SPEN: variants seen among roughly 807,000 people sequenced by gnomAD.
The protein encoded by SPEN is msx2-interacting protein.
SPEN carries 18 observed loss-of-function variants against 269.9 expected under a neutral mutation model. That is an observed-to-expected ratio of 0.07 (90% CI 0.05 to 0.10). SPEN has a LOEUF of 0.10. SPEN is among the 10% of genes least tolerant of loss of function. The pLI is 1.00. For missense variants in SPEN, 3,822 were observed against 4,631.2 expected, an observed-to-expected ratio of 0.83 and a Z score of 5.07; for synonymous variants, 1,726 against 1,765.7, an observed-to-expected ratio of 0.98 and a Z score of 0.56.
At chr1:15,867,922 C>A (rs918611500) in intron 1 of SPEN, among the ~76,000 whole-genome samples, 18 of 152,106 alleles carry the variant, frequency 1.2e-4, no homozygotes, top group Non-Finnish European at 7.4e-5. Flanking sequence ...CAACTTCCGC[C>A]TCCTGGGATC....
intron 13 of SPEN, 124 bp downstream of exon 13, chr1:15,938,130 AAC>A: frequency 5.5e-6 from 5 of 916,372 alleles, no homozygotes; most frequent in East Asian, 2.7e-5. Context: ...TTGTTGTTGA[AAC>A]AGTCTCTGTC....
In SPEN at chr1:15,932,108, A is replaced by G. The variant is rs755703288; in HGVS notation, c.5868A>G (p.Thr1956=). 1 of 1,613,624 alleles carries G rather than the reference A, an allele frequency of 6.2e-7. No individual in the cohort carries two copies. Among genetic ancestry groups the G allele is most frequent in the Non-Finnish European group, 8.5e-7 (1 of 1,179,958 alleles). ...CTCGGAGGGGAAGGCCTCCAAAGAC[A>G]CGCCGGCGAGCCGATGAAGAGGAGG... ...TTPRRGRPPK[T]RRRADEEEEN... The change falls in exon 11 of 15, where the codon ACA becomes ACG. Residue 1956 remains threonine (T), a synonymous_variant. Transcript: ENST00000375759. This position sits in a 1 kb window ranked among gnomAD's most constrained non-coding sequence, Gnocchi z 4.2.
chr1:15,850,833 A>G (rs536572142), intron 1 of SPEN, among the ~76,000 whole-genome samples: 1 of 152,356 alleles, frequency 6.6e-6, no homozygotes, highest in Non-Finnish European at 1.5e-5. Context: ...TGTACAAATC[A>G]GAATGAGAAA....
chr1:15,937,838 G>C lies in SPEN; in HGVS notation c.10536G>C (p.Leu3512=), dbSNP rs765082812. 1.2e-6 allele frequency: 2 copies of C among 1,613,910 alleles called. No homozygotes were observed. Among genetic ancestry groups the C allele is most frequent in the East Asian group, 2.2e-5 (1 of 44,866 alleles). ...LKKYPIVWQG[L]LALKNDTAAV... is the part of the protein sequence containing the mutation. ...AGTACCCCATCGTGTGGCAGGGCCT[G>C]CTGGCCCTCAAGAATGACACAGCTG... Residue 3512 remains leucine (L), a synonymous_variant, in exon 13 of 15, where the codon CTG becomes CTC. Coordinates refer to ENST00000375759, the MANE Select transcript of SPEN (RefSeq NM_015001.3). The surrounding 1 kb of genome is among the most constrained non-coding windows in gnomAD (Gnocchi z 5.7).
At position 15,929,006 on chromosome 1, in the gene SPEN, G is replaced by A. The variant is rs757407221; in HGVS notation, c.2766G>A (p.Thr922=). 8.1e-5 allele frequency: 130 copies of A among 1,614,030 alleles called. No individual in the cohort carries two copies. The highest frequency in any genetic ancestry group is 3.5e-4 in the South Asian group (32 of 91,084). ...ACCAGAAACTTCAGGTCTCTCAGAC[G>A]GAGCCTGCAAAATCTGACTTGTCTA... The part of the protein sequence containing the change: ...ALDQKLQVSQ[T]EPAKSDLSKL... Residue 922 remains threonine, a synonymous_variant, in exon 11 of 15, where the codon ACG becomes ACA. Transcript: ENST00000375759. This position sits in a 1 kb window ranked among gnomAD's most constrained non-coding sequence, Gnocchi z 5.8.
At chr1:15,938,487 C>T (rs1210471584) in intron 13 of SPEN, 1 of 438,156 alleles carries the variant, frequency 2.3e-6, no homozygotes, top group South Asian at 3.1e-5. Context: ...TGTAAAGTAC[C>T]TCTAGACCCA....
chr1:15,874,592 G>A (rs1023375828), intron 2 of SPEN, among the ~76,000 whole-genome samples: 2 of 152,168 alleles, frequency 1.3e-5, no homozygotes, highest in African/African-American at 4.8e-5. Context: ...TTATAAAATA[G>A]CAGCTGTAGC....
At chr1:15,874,967 G>C (rs561178086) in intron 2 of SPEN, among the ~76,000 whole-genome samples, 16 of 152,114 alleles carry the variant, frequency 1.1e-4, no homozygotes, top group Non-Finnish European at 2.4e-4. Context: ...TGGGGATCTG[G>C]TATTAATTGT....
intron 2 of SPEN, among the ~76,000 whole-genome samples, chr1:15,874,953 G>T (rs2070616182): frequency 6.6e-6 from 1 of 152,154 alleles, no homozygotes. Context: ...ATCTAAGCAT[G>T]TACTGGGGAT....
intron 1 of SPEN, among the ~76,000 whole-genome samples, chr1:15,863,052 C>T (rs1190244822): frequency 6.6e-6 from 1 of 152,066 alleles, no homozygotes. Flanking sequence ...TGAGCCACCG[C>T]TCCCGGCCGA....
chr1:15,893,699 TC>T (rs760452393), intron 3 of SPEN, among the ~76,000 whole-genome samples: 1 of 151,396 alleles, frequency 6.6e-6, no homozygotes, highest in Non-Finnish European at 1.5e-5. Context: ...GCCAGTACAC[TC>T]AAGCCTGGGC....
At chr1:15,864,615 T>G (rs1328506209) in intron 1 of SPEN, among the ~76,000 whole-genome samples, 4 of 146,658 alleles carry the variant, frequency 2.7e-5, no homozygotes, top group African/African-American at 7.6e-5. Context: ...GGGTTTTTTT[T>G]TTTTTTTTTT....
Position 15,940,157 on chromosome 1 carries a change from A to G in SPEN, c.*730A>G, listed in dbSNP as rs2071329002. 4.4e-6 allele frequency: 1 copy of G among 226,938 alleles called. No individual in the cohort carries two copies. 14.1% of individuals were successfully genotyped at this position (226,938 alleles called of 1,614,324 possible). On this transcript the variant is annotated 3_prime_UTR_variant, in exon 15 of 15. Transcript: ENST00000375759. ...CTTAAAAAATCAAATCCCCCGACATACGTTTTTTTTAATCTGTGCCAAAAA... is the reference window on the plus strand; with the variant it reads ...CTTAAAAAATCAAATCCCCCGACATGCGTTTTTTTTAATCTGTGCCAAAAA...
rs117493451 is a variant in SPEN, at chr1:15,884,505, T to C, written c.881+7827T>C. ...AACCATTAAGAATGGTGGCATTGTATGTATCAAAGTGACAATGTACCTTCC... is the reference window on the plus strand; with the variant it reads ...AACCATTAAGAATGGTGGCATTGTACGTATCAAAGTGACAATGTACCTTCC... On this transcript the variant is annotated intron_variant, in intron 3 of 14. Transcript: ENST00000375759. Among the ~76,000 whole-genome samples, 125 of 152,298 alleles carry C rather than the reference T, an allele frequency of 8.2e-4. 1 individual carries two copies. In the East Asian group the frequency reaches 0.023, roughly 28 times the overall value.
intron 3 of SPEN, among the ~76,000 whole-genome samples, chr1:15,897,634 T>G (rs911557484): frequency 6.6e-6 from 1 of 151,626 alleles, no homozygotes; most frequent in Non-Finnish European, 1.5e-5. Flanking sequence ...AGTGCTGGGA[T>G]TACAGGCGTG....
rs148475723 is a variant in SPEN, at chr1:15,848,107, C to G, written c.40C>G (p.Pro14Ala). The G allele has an allele frequency of 1.3e-6, 2 of 1,496,964 alleles. No individual in the cohort carries two copies. Among genetic ancestry groups the G allele is most frequent in the Non-Finnish European group, 1.8e-6 (2 of 1,115,162 alleles). 92.7% of individuals were successfully genotyped at this position (1,496,964 alleles called of 1,614,324 possible). ...ETRHLWVGNLPENVREEKIIE... is the reference protein window; with the variant it reads ...ETRHLWVGNLAENVREEKIIE... Reference sequence around the variant, plus strand: ...CAGGCATCTCTGGGTGGGCAACTTACCCGAGAACGTGCGGGAAGAGAAGAT... The same window carrying G: ...CAGGCATCTCTGGGTGGGCAACTTAGCCGAGAACGTGCGGGAAGAGAAGAT... Residue 14 changes from proline to alanine, a missense_variant, in exon 1 of 15, where the codon CCC becomes GCC. By Grantham distance (27) the Pro-to-Ala change is conservative. This residue lies in a region of SPEN where 51 missense variants were observed against 56.1 expected (regional missense o/e 0.91). Transcript: ENST00000375759. The surrounding 1 kb of genome is among the most constrained non-coding windows in gnomAD (Gnocchi z 5.1).
chr1:15,906,453 C>CTTT (rs200731520), intron 3 of SPEN, among the ~76,000 whole-genome samples: 303 of 92,572 alleles, frequency 3.3e-3, no homozygotes, highest in African/African-American at 3.8e-3. Flanking sequence ...TCTTTCTTTC[C>CTTT]TTTTTTTTTT....
intron 8 of SPEN, among the ~76,000 whole-genome samples, chr1:15,920,433 C>T (rs904543419): frequency 5.3e-5 from 8 of 152,170 alleles, no homozygotes; most frequent in African/African-American, 1.9e-4. Context: ...ATAAAAAAAT[C>T]CACAGCCTTA....
intron 8 of SPEN, among the ~76,000 whole-genome samples, chr1:15,919,985 G>A (rs917790037): frequency 6.6e-6 from 1 of 151,912 alleles, no homozygotes; most frequent in African/African-American, 2.4e-5. Context: ...GTGTGTGAAG[G>A]TAAAGCTTTG....
Sources: gnomAD v4.1 joint callset for allele counts (sites outside exome capture counted in the v4.1 genomes callset) on GRCh38, gnomAD v4.1.1 for gene constraint, gnomAD v4.1.1 regional missense constraint, Gnocchi (gnomAD v3.1) non-coding constraint, MANE v1.5 for transcripts, NCBI Gene and HGNC (gene_info 2026-07-23, HGNC 2026-07-21) for gene names.